The following DAB1 variants were observed in gnomAD, a reference collection of about 807,000 sequenced individuals.
DAB1 encodes disabled homolog 1.
DAB1 carries 15 observed loss-of-function variants against 64.6 expected under a neutral mutation model. The ratio of observed to expected loss-of-function variants is 0.23; its 90% CI spans 0.16 to 0.36. The LOEUF is 0.36. Among genes scored for constraint, DAB1 ranks in the 10% least tolerant of loss-of-function variants. DAB1 has a pLI of 1.00. For synonymous variants in DAB1, 235 were observed against 251.9 expected, an observed-to-expected ratio of 0.93 and a Z score of 0.64; for missense variants, 596 against 706.7, an observed-to-expected ratio of 0.84 and a Z score of 1.78.
intron 6 of DAB1, among the ~76,000 whole-genome samples, chr1:57,725,990 G>C (rs916589944): frequency 1.3e-5 from 2 of 152,128 alleles, no homozygotes; most frequent in Non-Finnish European, 2.9e-5. Context: ...CTGAGCTCAG[G>C]CAATCCATCT....
intron 4 of DAB1, among the ~76,000 whole-genome samples, chr1:57,130,173 G>A (rs976929542): frequency 1.3e-5 from 2 of 151,928 alleles, no homozygotes; most frequent in African/African-American, 4.8e-5. Context: ...AGAGGACATA[G>A]AAAGACTGTA....
intron 4 of DAB1, among the ~76,000 whole-genome samples, chr1:57,094,274 C>A (rs891417689): frequency 1.3e-5 from 2 of 152,144 alleles, no homozygotes; most frequent in African/African-American, 4.8e-5. Flanking sequence ...CATAGCAGGG[C>A]AGCTTTGGCT....
At chr1:58,451,598 A>G (rs849588) in intron 3 of DAB1, among the ~76,000 whole-genome samples, 3,265 of 152,348 alleles carry the variant, frequency 0.021, 121 homozygotes, top group African/African-American at 0.074. Context: ...AGGATACATG[A>G]GAACGCCCTG....
intron 7 of DAB1, among the ~76,000 whole-genome samples, chr1:57,545,328 C>T (rs895369733): frequency 6.6e-6 from 1 of 152,248 alleles, no homozygotes; most frequent in African/African-American, 2.4e-5. Flanking sequence ...CTACCTCCCA[C>T]AATATTCTTT....
intron 1 of DAB1, among the ~76,000 whole-genome samples, chr1:57,362,165 A>C (rs912417587): frequency 6.6e-6 from 1 of 152,124 alleles, no homozygotes; most frequent in Non-Finnish European, 1.5e-5. Flanking sequence ...TCTCATCCTT[A>C]CCTTGGGCAA....
chr1:58,191,600 G>A (rs1450667137), intron 4 of DAB1, among the ~76,000 whole-genome samples: 1 of 152,140 alleles, frequency 6.6e-6, no homozygotes, highest in African/African-American at 2.4e-5. Context: ...CTCATCCAGG[G>A]CTCTTTCCAA....
intron 1 of DAB1, among the ~76,000 whole-genome samples, chr1:57,879,918 G>A (rs1644116246): frequency 6.6e-6 from 1 of 152,192 alleles, no homozygotes; most frequent in Non-Finnish European, 1.5e-5. Flanking sequence ...TTGCACAGAG[G>A]AAAGTGGAGT....
At chr1:58,192,952 A>C (rs1657472010) in intron 4 of DAB1, among the ~76,000 whole-genome samples, 2 of 152,204 alleles carry the variant, frequency 1.3e-5, no homozygotes, top group African/African-American at 4.8e-5. Context: ...CTTAGAAATG[A>C]TTAGGATGGT....
At chr1:57,683,403 C>T (rs1361803813) in intron 6 of DAB1, among the ~76,000 whole-genome samples, 3 of 152,172 alleles carry the variant, frequency 2.0e-5, no homozygotes, top group Non-Finnish European at 4.4e-5. Flanking sequence ...CCACCCTCCA[C>T]CACACAGCAC....
At chr1:58,057,772 C>G (rs146532243) in intron 5 of DAB1, among the ~76,000 whole-genome samples, 1 of 152,278 alleles carries the variant, frequency 6.6e-6, no homozygotes, top group African/African-American at 2.4e-5. Context: ...GTCATGGCAG[C>G]TTTAGGGAAT....
At chr1:57,970,411 G>GT (rs1557586627) in intron 5 of DAB1, among the ~76,000 whole-genome samples, 1 of 152,166 alleles carries the variant, frequency 6.6e-6, no homozygotes, top group African/African-American at 2.4e-5. Flanking sequence ...AATCGCTGCA[G>GT]TGGGAATAGC....
intron 5 of DAB1, among the ~76,000 whole-genome samples, chr1:57,894,243 C>T (rs1644359813): frequency 1.3e-5 from 2 of 152,192 alleles, no homozygotes; most frequent in African/African-American, 2.4e-5. Context: ...TAAACATTCA[C>T]TCCTGCTCTA....
intron 10 of DAB1, among the ~76,000 whole-genome samples, 154 bp downstream of exon 10, chr1:57,025,827 A>G (rs909440810): frequency 1.3e-5 from 2 of 152,218 alleles, no homozygotes; most frequent in Admixed American, 6.5e-5. Flanking sequence ...GATCAGAATG[A>G]CTAGTTAGTT....
chr1:57,676,879 T>A (rs1646573223), intron 6 of DAB1, among the ~76,000 whole-genome samples: 1 of 152,160 alleles, frequency 6.6e-6, no homozygotes, highest in Admixed American at 6.6e-5. Context: ...TTTCTGATTC[T>A]CTCAAGGGGA....
chr1:58,182,005 T>G (rs1570456240), intron 4 of DAB1, among the ~76,000 whole-genome samples: 1 of 152,038 alleles, frequency 6.6e-6, no homozygotes, highest in African/African-American at 2.4e-5. Flanking sequence ...ATTCATTTAG[T>G]CTCTGTTTAT....
At chr1:57,068,631 G>A (rs934564091) in intron 8 of DAB1, among the ~76,000 whole-genome samples, 1 of 151,890 alleles carries the variant, frequency 6.6e-6, no homozygotes, top group Non-Finnish European at 1.5e-5. Context: ...AAAGTTGCAG[G>A]TCATCATATC....
intron 3 of DAB1, among the ~76,000 whole-genome samples, chr1:58,393,618 C>T (rs1220276954): frequency 6.6e-6 from 1 of 152,060 alleles, no homozygotes; most frequent in Non-Finnish European, 1.5e-5. Context: ...GAAGAACTTA[C>T]TTTGAAAACA....
intron 7 of DAB1, among the ~76,000 whole-genome samples, chr1:57,618,226 C>T (rs1474922684): frequency 1.3e-5 from 2 of 152,078 alleles, no homozygotes; most frequent in Non-Finnish European, 2.9e-5. Context: ...ACCGGCCTAG[C>T]CAACATGGTG....
intron 2 of DAB1, among the ~76,000 whole-genome samples, chr1:57,205,243 G>A (rs994514045): frequency 2.6e-5 from 4 of 152,162 alleles, no homozygotes; most frequent in Admixed American, 1.3e-4. Context: ...AAAACATCTC[G>A]GGACATATGG....
Sources: gnomAD v4.1 joint callset for allele counts (sites outside exome capture counted in the v4.1 genomes callset) on GRCh38, gnomAD v4.1.1 for gene constraint, MANE v1.5 for transcripts, NCBI Gene and HGNC (gene_info 2026-07-23, HGNC 2026-07-21) for gene names.